The following MSH3 variants were observed in gnomAD, a reference collection of about 807,000 sequenced individuals.
The protein encoded by MSH3 is mutS homolog 3.
Under a neutral mutation model 123.3 loss-of-function variants are expected in MSH3, and 106 were observed. The ratio of observed to expected loss-of-function variants is 0.86; its 90% CI spans 0.73 to 1.01. The LOEUF (loss-of-function observed/expected upper bound fraction) is 1.01, where lower values mean the gene tolerates loss of function less well. Ranked by LOEUF, MSH3 falls within the 50% of genes least tolerant of loss-of-function variation. The pLI is 0.00. For missense variants in MSH3, 1,459 were observed against 1,347.6 expected, an observed-to-expected ratio of 1.08 and a Z score of -1.29; for synonymous variants, 515 against 481.4, an observed-to-expected ratio of 1.07 and a Z score of -0.91.
chr5:80,830,011 A>T (rs1294654206), intron 20 of MSH3, among the ~76,000 whole-genome samples: 1 of 152,180 alleles, frequency 6.6e-6, no homozygotes, highest in Non-Finnish European at 1.5e-5. Flanking sequence ...TATGAAATTT[A>T]TGGCCATAAC....
chr5:80,711,697 C>G (rs1019678323), intron 8 of MSH3, among the ~76,000 whole-genome samples: 12 of 151,942 alleles, frequency 7.9e-5, no homozygotes, highest in African/African-American at 2.9e-4. Context: ...TTCTGTTGCC[C>G]AGGCTGGAGT....
At chr5:80,874,648 T>C (rs1443815259) in intron 23 of MSH3, among the ~76,000 whole-genome samples, 1 of 152,208 alleles carries the variant, frequency 6.6e-6, no homozygotes, top group African/African-American at 2.4e-5. Flanking sequence ...AGGATATATA[T>C]ACAAGATAGT....
rs1352390040 is a variant in MSH3, at chr5:80,827,763, G to A, written c.2813+14022G>A. ...TGTTCCTTTAATTAGCTTCCTCAAA[G>A]TCACCTGAAGGTTTGGTTTGATTTG... On this transcript the variant is annotated intron_variant, in intron 20 of 23. Transcript: ENST00000265081. 3.3e-5 allele frequency among the ~76,000 whole-genome samples: 5 copies of A among 152,156 alleles called. No individual in the cohort carries two copies. In the East Asian group the frequency reaches 9.6e-4, roughly 29 times the overall value.
At chr5:80,808,869 A>ATATATATCTATATATATATC (rs1744951516) in intron 19 of MSH3, among the ~76,000 whole-genome samples, 2 of 126,516 alleles carry the variant, frequency 1.6e-5, no homozygotes, top group South Asian at 5.0e-4. Context: ...ATATATATAT[A>ATATATATCTATATATATATC]TATATATATA....
intron 7 of MSH3, among the ~76,000 whole-genome samples, chr5:80,677,340 G>A (rs749023286): frequency 5.3e-5 from 8 of 152,140 alleles, no homozygotes; most frequent in Non-Finnish European, 7.4e-5. Context: ...TTCTCAGTGT[G>A]ATACATATCA....
chr5:80,869,803 T>C (rs867780135), intron 22 of MSH3, among the ~76,000 whole-genome samples: 63 of 101,598 alleles, frequency 6.2e-4, no homozygotes, highest in African/African-American at 1.4e-3. Flanking sequence ...TACATATATA[T>C]ACATATATAC....
At position 80,679,060 on chromosome 5, in the gene MSH3, C is replaced by G. The variant is rs974762625; in HGVS notation, c.1307C>G (p.Thr436Arg). 6.2e-7 allele frequency: 1 copy of G among 1,614,078 alleles called. No individual in the cohort carries two copies. The highest frequency in any genetic ancestry group is 2.2e-5 in the East Asian group (1 of 44,880). Residue 436 changes from threonine (T) to arginine (R), a missense_variant, in exon 8 of 24, where the codon ACA becomes AGA. Transcript: ENST00000265081. Reference sequence around the variant, plus strand: ...CTTCCTTCGGCCTTGTCCGAGCAAACAGAGGCGCTCATCCACAGAGCCACA... The same window carrying G: ...CTTCCTTCGGCCTTGTCCGAGCAAAGAGAGGCGCTCATCCACAGAGCCACA... ...LLLPSALSEQ[T>R]EALIHRATSV...
chr5:80,719,826 T>C (rs778372000), intron 8 of MSH3, among the ~76,000 whole-genome samples: 1 of 152,238 alleles, frequency 6.6e-6, no homozygotes, highest in Non-Finnish European at 1.5e-5. Context: ...CTAGTCATTT[T>C]GGTTGTCTGA....
chr5:80,661,294 T>C (rs11950480), intron 2 of MSH3, among the ~76,000 whole-genome samples: 40,953 of 151,902 alleles, frequency 0.27, 5,683 homozygotes, highest in Middle Eastern at 0.34. Context: ...ATGTTAACTA[T>C]TTGGTGTTAT....
rs1561486632 is a variant in MSH3, at chr5:80,813,591, CAG to C, written c.2670_2671del (p.Arg890SerfsTer57). Reference sequence around the variant, plus strand: ...TTCCTTTCTAATTTTCAGGAGGACTCAGAGAGAGTAATGATAATTACCGGACC... The same window carrying C: ...TTCCTTTCTAATTTTCAGGAGGACTCAGAGAGTAATGATAATTACCGGACC... On this transcript the variant is annotated frameshift_variant, in exon 20 of 24. Transcript: ENST00000265081. LOFTEE classifies it high-confidence loss of function. 2 of 1,614,042 alleles carry C rather than the reference CAG, an allele frequency of 1.2e-6. No individual in the cohort carries two copies. Among genetic ancestry groups the C allele is most frequent in the East Asian group, 2.2e-5 (1 of 44,872 alleles).
At chr5:80,838,415 C>T (rs761179558) in intron 20 of MSH3, among the ~76,000 whole-genome samples, 3 of 152,162 alleles carry the variant, frequency 2.0e-5, no homozygotes, top group Non-Finnish European at 4.4e-5. Flanking sequence ...TAAAGATCTA[C>T]GTCTCATGAT....
At chr5:80,758,875 G>T (rs1743979712) in intron 12 of MSH3, among the ~76,000 whole-genome samples, 1 of 152,056 alleles carries the variant, frequency 6.6e-6, no homozygotes, top group Admixed American at 6.6e-5. Flanking sequence ...TTCACAGATG[G>T]CATTATTTTA....
rs917828946 is a variant in MSH3, at chr5:80,656,872, C to T, written c.358+341C>T. On this transcript the variant is annotated intron_variant, in intron 2 of 23. Transcript: ENST00000265081. Reference sequence around the variant, plus strand: ...GTAGGCAGTGATAGACCCCATAATCCCTCCCTTTGAGTGAGGCCCACTGCT... The same window carrying T: ...GTAGGCAGTGATAGACCCCATAATCTCTCCCTTTGAGTGAGGCCCACTGCT... Among the ~76,000 whole-genome samples the T allele has an allele frequency of 2.6e-5, 4 of 152,070 alleles. No individual in the cohort carries two copies. In the East Asian group the frequency reaches 5.8e-4, roughly 22 times the overall value.
At position 80,691,697 on chromosome 5, in the gene MSH3, A is replaced by G. The variant is rs1465228585; in HGVS notation, c.1340+12604A>G. Among the ~76,000 whole-genome samples the G allele has an allele frequency of 4.0e-5, 6 of 150,286 alleles. 1 individual carries two copies. Among genetic ancestry groups the G allele is most frequent in the Admixed American group, 4.0e-4 (6 of 15,064 alleles). On this transcript the variant is annotated intron_variant, in intron 8 of 23. Coordinates refer to ENST00000265081, the MANE Select transcript of MSH3 (RefSeq NM_002439.5). ...ATAATAAGTAAGACAGCACTGAAAG[A>G]CTTAGAGCTATTTGCCCTATCAAAA...
chr5:80,774,894 T>C (rs1744272923), intron 15 of MSH3, among the ~76,000 whole-genome samples: 1 of 152,144 alleles, frequency 6.6e-6, no homozygotes, highest in South Asian at 2.1e-4. Context: ...AAACCTAGTA[T>C]TGATAACATG....
intron 8 of MSH3, among the ~76,000 whole-genome samples, chr5:80,684,058 C>G (rs1750030452): frequency 6.6e-6 from 1 of 152,256 alleles, no homozygotes; most frequent in African/African-American, 2.4e-5. Context: ...TGTTTTTATG[C>G]CAGTACCATG....
rs780265073 is a variant in MSH3, at chr5:80,828,479, GC to G, written c.2813+14742del. Among the ~76,000 whole-genome samples the G allele has an allele frequency of 5.3e-5, 8 of 152,260 alleles. 1 individual carries two copies. The highest frequency in any genetic ancestry group is 2.0e-4 in the Admixed American group (3 of 15,292). On this transcript the variant is annotated intron_variant, in intron 20 of 23. Transcript: ENST00000265081. ...ACAAACATTCAAACCACAGCATTCTGCCCCTGGCCCCCACAAATTCTATGTC... is the reference window on the plus strand; with the variant it reads ...ACAAACATTCAAACCACAGCATTCTGCCCTGGCCCCCACAAATTCTATGTC...
rs551563323 is a variant in MSH3, at chr5:80,843,311, T to A, written c.2814-10819T>A. ...TGCTGCTGGATTTGGTTTGCCAGTA[T>A]TTTATTGAGGATTTTCGCATTGATG... On this transcript the variant is annotated intron_variant, in intron 20 of 23. Transcript: ENST00000265081. Among the ~76,000 whole-genome samples the A allele has an allele frequency of 6.6e-5, 10 of 152,316 alleles. No individual in the cohort carries two copies. In the East Asian group the frequency reaches 1.7e-3, roughly 26 times the overall value.
In MSH3 at chr5:80,835,903, A is replaced by T. The variant is rs1745499877; in HGVS notation, c.2814-18227A>T. Among the ~76,000 whole-genome samples the T allele has an allele frequency of 3.3e-5, 5 of 151,990 alleles. No homozygotes were observed. The South Asian group carries it at 1.0e-3, about 32-fold the overall frequency. On this transcript the variant is annotated intron_variant, in intron 20 of 23. Coordinates refer to ENST00000265081, the MANE Select transcript of MSH3 (RefSeq NM_002439.5). ...GTACTCCAGCCTGGGCAACAGAGAG[A>T]CTGTCTCAAAAAAAAAAGAAAGAAA... is the stretch of plus-strand genomic sequence containing the variant.
Sources: gnomAD v4.1 joint callset for allele counts (sites outside exome capture counted in the v4.1 genomes callset) on GRCh38, gnomAD v4.1.1 for gene constraint, MANE v1.5 for transcripts, NCBI Gene and HGNC (gene_info 2026-07-23, HGNC 2026-07-21) for gene names.